Variants in ANOS1 observed in about 807,000 individuals in gnomAD.
The protein encoded by ANOS1 is anosmin-1.
In ANOS1, 6 loss-of-function variants were observed where a neutral mutation model predicts 59.0. That is an observed-to-expected ratio of 0.10 (90% CI 0.06 to 0.20). The LOEUF is 0.20. Among genes scored for constraint, ANOS1 ranks in the 10% least tolerant of loss-of-function variants. The pLI, the probability that ANOS1 is intolerant of heterozygous loss-of-function variation, is 1.00. For missense variants in ANOS1, 433 were observed against 542.3 expected (o/e 0.80, Z 2.00); for synonymous variants, 217 against 223.4 (o/e 0.97, Z 0.25).
At chrX:8,646,650 G>A (rs966450880) in intron 2 of ANOS1, among the ~76,000 whole-genome samples, 3 of 110,609 alleles carry the variant, frequency 2.7e-5, no homozygotes, top group Non-Finnish European at 5.7e-5. Context: ...GAAGATTTCT[G>A]GACCGGCGTG....
chrX:8,718,806 T>C (rs995679381), intron 1 of ANOS1, among the ~76,000 whole-genome samples: 3 of 111,953 alleles, frequency 2.7e-5, no homozygotes, highest in African/African-American at 9.7e-5. Context: ...AGCAGAACTC[T>C]GTCCACTGGG....
chrX:8,624,011 C>CTTTTTTTTTTT (rs566769185), intron 2 of ANOS1, among the ~76,000 whole-genome samples: 34 of 69,392 alleles, frequency 4.9e-4, no homozygotes, highest in Non-Finnish European at 7.2e-4. Context: ...CTTTTCTTTT[C>CTTTTTTTTTTT]TTTTTTTTTT....
chrX:8,727,433 C>T (rs916055140), intron 1 of ANOS1, among the ~76,000 whole-genome samples: 1 of 112,388 alleles, frequency 8.9e-6, no homozygotes, highest in Non-Finnish European at 1.9e-5. Flanking sequence ...GTGTCTGTCC[C>T]CATTCCATGC....
chrX:8,703,826 A>G (rs1932768172), intron 1 of ANOS1, among the ~76,000 whole-genome samples: 1 of 111,738 alleles, frequency 8.9e-6, no homozygotes, highest in Non-Finnish European at 1.9e-5. Context: ...TCTGGAAATA[A>G]TATTTTTAAT....
At chrX:8,533,531 A>C (rs771667784) in intron 13 of ANOS1, among the ~76,000 whole-genome samples, 1 of 112,378 alleles carries the variant, frequency 8.9e-6, no homozygotes, top group African/African-American at 3.2e-5. Flanking sequence ...TCATTTAAAA[A>C]AATCAGAGTT....
chrX:8,596,289 T>C (rs1382812921), intron 4 of ANOS1, among the ~76,000 whole-genome samples: 1 of 110,770 alleles, frequency 9.0e-6, no homozygotes, highest in African/African-American at 3.3e-5. Flanking sequence ...TGCTGCTCTA[T>C]ATAACTCTTC....
At chrX:8,708,884 C>G (rs1440084480) in intron 1 of ANOS1, among the ~76,000 whole-genome samples, 5 of 111,856 alleles carry the variant, frequency 4.5e-5, no homozygotes, top group African/African-American at 1.6e-4. Flanking sequence ...CAGTGATAGA[C>G]TGGATAAAGA....
intron 1 of ANOS1, among the ~76,000 whole-genome samples, chrX:8,717,091 C>T (rs183790519): frequency 2.9e-4 from 32 of 111,394 alleles, no homozygotes; most frequent in African/African-American, 9.8e-4. Context: ...TGCTCCAAAA[C>T]GTCCACAGTG....
intron 3 of ANOS1, among the ~76,000 whole-genome samples, chrX:8,606,501 G>A (rs1392369868): frequency 1.8e-5 from 2 of 112,340 alleles, no homozygotes; most frequent in Non-Finnish European, 3.8e-5. Context: ...AATTGAAAGA[G>A]TAACAATTCC....
chrX:8,572,622 T>C (rs1406960236), intron 6 of ANOS1, among the ~76,000 whole-genome samples: 1 of 112,114 alleles, frequency 8.9e-6, no homozygotes, highest in Non-Finnish European at 1.9e-5. Flanking sequence ...TATAATAGAA[T>C]GATTTATATT....
intron 5 of ANOS1, 146 bp from the exon 6 acceptor site, chrX:8,585,542 G>T: frequency 1.7e-6 from 1 of 595,177 alleles, no homozygotes; most frequent in East Asian, 3.4e-5. Flanking sequence ...ATCATGCCCA[G>T]TTATGAAGAG....
At position 8,731,997 on chromosome X, in the gene ANOS1, G is replaced by T. The variant is rs981237244; in HGVS notation, c.40C>A (p.Leu14Ile). 2 of 1,095,363 alleles carry T rather than the reference G, an allele frequency of 1.8e-6. No homozygotes were observed. The highest frequency in any genetic ancestry group is 1.2e-6 in the Non-Finnish European group (1 of 842,199). The allele number at this position is 1,095,363 out of a possible 1,213,427, so 90.3% of individuals were successfully genotyped here. Residue 14 changes from leucine (L) to isoleucine (I), a missense_variant, in exon 1 of 14, where the codon CTC becomes ATC. Coordinates refer to ENST00000262648, the MANE Select transcript of ANOS1 (RefSeq NM_000216.4). ...GVPGAVLTLC[L>I]WLAASSGCLA... ...CAGCCGCTGGAGGCCGCCAGCCAGA[G>T]GCAGAGGGTCAGGACCGCGCCGGGC...
intron 9 of ANOS1, among the ~76,000 whole-genome samples, chrX:8,548,268 T>C (rs764038407): frequency 1.8e-5 from 2 of 112,052 alleles, no homozygotes; most frequent in South Asian, 7.4e-4. Flanking sequence ...AAAATTAAGC[T>C]CTATTTGTTT....
chrX:8,704,881 C>T (rs760719968), intron 1 of ANOS1, among the ~76,000 whole-genome samples: 17 of 111,494 alleles, frequency 1.5e-4, no homozygotes, highest in South Asian at 7.5e-4. Flanking sequence ...CAGCTCACAA[C>T]GGATAATACT....
At chrX:8,602,343 A>G (rs978958550) in intron 3 of ANOS1, among the ~76,000 whole-genome samples, 1 of 111,873 alleles carries the variant, frequency 8.9e-6, no homozygotes, top group Admixed American at 9.5e-5. Context: ...TTAATACTCT[A>G]GATATAAACA....
intron 3 of ANOS1, among the ~76,000 whole-genome samples, chrX:8,620,807 A>G (rs1343954109): frequency 4.5e-5 from 5 of 111,964 alleles, no homozygotes; most frequent in Admixed American, 1.9e-4. Context: ...TCAAGTTTCA[A>G]TTAACCTTTC....
intron 5 of ANOS1, among the ~76,000 whole-genome samples, chrX:8,587,051 T>C (rs1475351617): frequency 9.1e-6 from 1 of 110,320 alleles, no homozygotes; most frequent in African/African-American, 3.3e-5. Context: ...GGAGAAGGCA[T>C]TTTAGTTGTC....
At chrX:8,664,260 G>A (rs1468908596) in intron 2 of ANOS1, among the ~76,000 whole-genome samples, 2 of 111,820 alleles carry the variant, frequency 1.8e-5, no homozygotes, top group African/African-American at 6.5e-5. Flanking sequence ...GCGCGATCTT[G>A]GCTCACTGCA....
At chrX:8,567,444 C>G (rs1446718204) in intron 8 of ANOS1, among the ~76,000 whole-genome samples, 1 of 94,434 alleles carries the variant, frequency 1.1e-5, no homozygotes, top group African/African-American at 3.5e-5. Flanking sequence ...TTGGTCTCTG[C>G]CTTCAAAAGT....
Sources: allele counts gnomAD v4.1 joint callset (sites outside exome capture counted in the v4.1 genomes callset), GRCh38; gene constraint gnomAD v4.1.1; transcripts MANE v1.5; gene names NCBI Gene and HGNC (gene_info 2026-07-23, HGNC 2026-07-21).